USH2A: variants seen among roughly 807,000 people sequenced by gnomAD.
The protein encoded by USH2A is Usher syndrome 2A (autosomal recessive, mild).
A neutral mutation model predicts 538.9 loss-of-function variants in USH2A; 443 were observed. The observed-to-expected ratio is 0.82, with a 90% CI of 0.76 to 0.89. The LOEUF (loss-of-function observed/expected upper bound fraction) is 0.89. USH2A is among the 40% of genes least tolerant of loss of function. The pLI is 0.00. For synonymous variants in USH2A, 2,413 were observed against 2,273.5 expected, an observed-to-expected ratio of 1.06 and a Z score of -1.75; for missense variants, 6,633 against 6,324.8, an observed-to-expected ratio of 1.05 and a Z score of -1.65.
intron 38 of USH2A, among the ~76,000 whole-genome samples, chr1:215,928,348 A>G (rs1001300304): frequency 6.6e-6 from 1 of 152,022 alleles, no homozygotes; most frequent in Non-Finnish European, 1.5e-5. Flanking sequence ...ATTTTTTTTT[A>G]TATCTTCTTC....
chr1:216,215,188 A>G (rs1470697443), intron 15 of USH2A, among the ~76,000 whole-genome samples: 1 of 152,080 alleles, frequency 6.6e-6, no homozygotes, highest in Non-Finnish European at 1.5e-5. Context: ...TTACTAAATT[A>G]TTGCTAGTGG....
intron 61 of USH2A, among the ~76,000 whole-genome samples, chr1:215,709,628 T>C (rs927395958): frequency 7.2e-6 from 1 of 138,398 alleles, no homozygotes; most frequent in African/African-American, 2.7e-5. Flanking sequence ...GGAAGATAGA[T>C]GCTTGAAGAT....
At chr1:216,411,253 G>T (rs2039484978) in intron 3 of USH2A, among the ~76,000 whole-genome samples, 1 of 152,016 alleles carries the variant, frequency 6.6e-6, no homozygotes. Flanking sequence ...TACACTATTT[G>T]CTATGCATTT....
At chr1:216,094,938 G>A (rs777236257) in intron 22 of USH2A, among the ~76,000 whole-genome samples, 8 of 148,814 alleles carry the variant, frequency 5.4e-5, no homozygotes. Context: ...GTTCAAATGA[G>A]TTTATGTGCG....
chr1:216,265,990 G>T (rs926151229), intron 11 of USH2A, among the ~76,000 whole-genome samples: 2 of 152,038 alleles, frequency 1.3e-5, no homozygotes, highest in Non-Finnish European at 2.9e-5. Flanking sequence ...TTATAGTACT[G>T]TATGGTGACT....
chr1:215,631,355 C>T (rs558971742), intron 70 of USH2A, among the ~76,000 whole-genome samples: 6 of 152,228 alleles, frequency 3.9e-5, no homozygotes, highest in Admixed American at 3.9e-4. Context: ...GATTCTTCCC[C>T]TTGACTGGAT....
intron 30 of USH2A, among the ~76,000 whole-genome samples, chr1:216,054,052 T>C (rs1177017277): frequency 6.6e-6 from 1 of 152,222 alleles, no homozygotes; most frequent in Non-Finnish European, 1.5e-5. Context: ...CACAGTGATT[T>C]GGGAATTCCT....
At chr1:215,976,667 T>C (rs900623379) in intron 35 of USH2A, among the ~76,000 whole-genome samples, 1 of 152,216 alleles carries the variant, frequency 6.6e-6, no homozygotes, top group Non-Finnish European at 1.5e-5. Flanking sequence ...TTGATTTGTA[T>C]ATGTTTAGCC....
intron 30 of USH2A, among the ~76,000 whole-genome samples, chr1:216,064,501 T>G (rs1435817730): frequency 8.1e-6 from 1 of 122,860 alleles, no homozygotes; most frequent in Non-Finnish European, 1.7e-5. Context: ...CTAGGGATTG[T>G]TTTTTTTTTT....
intron 11 of USH2A, among the ~76,000 whole-genome samples, chr1:216,284,992 G>T (rs1398129897): frequency 6.6e-6 from 1 of 152,200 alleles, no homozygotes; most frequent in Non-Finnish European, 1.5e-5. Flanking sequence ...TGTCTAAGTA[G>T]TAAGTGTTAA....
intron 3 of USH2A, among the ~76,000 whole-genome samples, chr1:216,371,737 A>G (rs2038719463): frequency 6.6e-6 from 1 of 152,178 alleles, no homozygotes; most frequent in Admixed American, 6.5e-5. Context: ...TGCAAATTTG[A>G]TGAGCATGCT....
At chr1:215,802,638 C>T (rs997993086) in intron 49 of USH2A, among the ~76,000 whole-genome samples, 7 of 152,004 alleles carry the variant, frequency 4.6e-5, no homozygotes, top group African/African-American at 1.7e-4. Context: ...GAGAAATTGG[C>T]ACACTTATGC....
chr1:215,775,996 C>T (rs1017165109), intron 55 of USH2A, among the ~76,000 whole-genome samples: 9 of 152,010 alleles, frequency 5.9e-5, no homozygotes, highest in African/African-American at 2.2e-4. Context: ...ATACGTTATG[C>T]TAAACAGGAC....
intron 64 of USH2A, among the ~76,000 whole-genome samples, chr1:215,656,658 A>G (rs2102649603): frequency 6.6e-6 from 1 of 152,314 alleles, no homozygotes; most frequent in Middle Eastern, 3.4e-3. Context: ...TGTATTAGTA[A>G]AAGTGTTAAC....
At position 215,715,675 on chromosome 1, in the gene USH2A, A is replaced by G. The variant is rs569941015; in HGVS notation, c.12066+12355T>C. On this transcript the variant is annotated intron_variant, in intron 61 of 71. Transcript: ENST00000307340. ...TCCTTTGTATGCTGGGTTGCCTGCCATTATGTTTATGTAATTCTGACAGTG... is the reference window on the plus strand; with the variant it reads ...TCCTTTGTATGCTGGGTTGCCTGCCGTTATGTTTATGTAATTCTGACAGTG... Among the ~76,000 whole-genome samples the G allele has an allele frequency of 5.9e-5, 9 of 152,340 alleles. No individual in the cohort carries two copies. In the South Asian group the frequency reaches 1.7e-3, roughly 28 times the overall value.
intron 60 of USH2A, among the ~76,000 whole-genome samples, chr1:215,737,764 C>T (rs1395092692): frequency 1.3e-5 from 2 of 152,008 alleles, no homozygotes; most frequent in Non-Finnish European, 2.9e-5. Context: ...AATTCCTTTG[C>T]CTTTGATTCA....
intron 30 of USH2A, among the ~76,000 whole-genome samples, chr1:216,068,766 G>T (rs1015080574): frequency 1.3e-5 from 2 of 152,092 alleles, no homozygotes; most frequent in Non-Finnish European, 2.9e-5. Context: ...TAAAATTATA[G>T]CATAGCACAC....
chr1:216,127,775 T>C (rs868394507), intron 21 of USH2A, among the ~76,000 whole-genome samples: 4 of 152,334 alleles, frequency 2.6e-5, no homozygotes, highest in African/African-American at 9.6e-5. Flanking sequence ...AGCAAAACTG[T>C]CAATTATCCC....
At chr1:216,207,485 G>T (rs768834259) in intron 15 of USH2A, 54 bp from the exon 16 acceptor site, 5 of 1,605,912 alleles carry the variant, frequency 3.1e-6, no homozygotes, top group South Asian at 1.1e-5. Context: ...AAACAGAAAA[G>T]CAAACTGAAG....
Sources: gnomAD v4.1 joint callset for allele counts (sites outside exome capture counted in the v4.1 genomes callset) on GRCh38, gnomAD v4.1.1 for gene constraint, MANE v1.5 for transcripts, NCBI Gene and HGNC (gene_info 2026-07-23, HGNC 2026-07-21) for gene names.